Variants in LIMK2 observed in about 807,000 individuals in gnomAD.
LIMK2 encodes LIM domain kinase 2.
A neutral mutation model predicts 75.7 loss-of-function variants in LIMK2; 35 were observed. The observed-to-expected ratio is 0.46, with a 90% CI of 0.35 to 0.61. The LOEUF (loss-of-function observed/expected upper bound fraction) is 0.61, where lower values mean the gene tolerates loss of function less well. Among genes scored for constraint, LIMK2 ranks in the 20% least tolerant of loss-of-function variants. LIMK2 has a pLI of 0.00. For synonymous variants in LIMK2, 301 were observed against 319.2 expected, an observed-to-expected ratio of 0.94 and a Z score of 0.61; for missense variants, 623 against 831.0, an observed-to-expected ratio of 0.75 and a Z score of 3.08.
chr22:31,215,705 A>G (rs2048383914), intron 1 of LIMK2, among the ~76,000 whole-genome samples: 1 of 152,354 alleles, frequency 6.6e-6, no homozygotes, highest in Middle Eastern at 3.4e-3. Flanking sequence ...AGTTAAGGTA[A>G]TTAAGGCAAA....
intron 2 of LIMK2, among the ~76,000 whole-genome samples, chr22:31,238,358 G>A (rs549573139): frequency 5.3e-5 from 8 of 152,126 alleles, no homozygotes; most frequent in Non-Finnish European, 1.2e-4. Flanking sequence ...TGCTCACAGA[G>A]CAACCTTCTG....
intron 2 of LIMK2, among the ~76,000 whole-genome samples, chr22:31,246,175 G>GCACTCACACACACACA (rs1300039438): frequency 9.0e-5 from 7 of 78,054 alleles, no homozygotes; most frequent in Non-Finnish European, 1.7e-4. Context: ...TCCGACACAC[G>GCACTCACACACACACA]CACGCACGCA....
At chr22:31,216,417 A>G (rs2048389119) in intron 1 of LIMK2, among the ~76,000 whole-genome samples, 1 of 152,164 alleles carries the variant, frequency 6.6e-6, no homozygotes, top group African/African-American at 2.4e-5. Flanking sequence ...CAACCGGACT[A>G]GAGGGTTTAA....
intron 2 of LIMK2, chr22:31,248,454 G>T: frequency 6.8e-7 from 1 of 1,481,184 alleles, no homozygotes; most frequent in South Asian, 1.2e-5. Flanking sequence ...TTTTCTCGGA[G>T]TCCAGAGGGG....
At chr22:31,273,623 G>A (rs1189373500) in intron 14 of LIMK2, 116 bp downstream of exon 14, 3 of 802,130 alleles carry the variant, frequency 3.7e-6, no homozygotes, top group Non-Finnish European at 2.2e-6. Context: ...CAACATGGGT[G>A]TAGGGTTTTA....
intron 15 of LIMK2, chr22:31,277,035 C>T: frequency 6.2e-7 from 1 of 1,613,924 alleles, no homozygotes; most frequent in South Asian, 1.1e-5. Context: ...CTTCCAGGGT[C>T]AAGGAGCTGC....
intron 2 of LIMK2, among the ~76,000 whole-genome samples, chr22:31,247,563 GA>G (rs1281594123): frequency 6.6e-6 from 1 of 152,170 alleles, no homozygotes; most frequent in East Asian, 1.9e-4. Context: ...GAGAGCTTTG[GA>G]AAAGATTTTT....
chr22:31,219,048 G>C (rs964226334), intron 1 of LIMK2, among the ~76,000 whole-genome samples: 2 of 152,216 alleles, frequency 1.3e-5, no homozygotes, highest in Non-Finnish European at 1.5e-5. Flanking sequence ...CATTGGCTCT[G>C]AGCTGGGATA....
intron 13 of LIMK2, chr22:31,273,179 C>T (rs762884558): frequency 5.3e-5 from 17 of 317,938 alleles, no homozygotes; most frequent in Non-Finnish European, 7.3e-5. Context: ...TGCCTAATGG[C>T]AGAGGCTAGA....
At position 31,238,205 on chromosome 22, in the gene LIMK2, C is replaced by G. The variant is rs755688638; in HGVS notation, c.116+12386C>G. On this transcript the variant is annotated intron_variant, in intron 2 of 15. Transcript: ENST00000331728. ...AAAAGTTAGTGAAGCAAAACTAGTA[C>G]TGTATTCAGATAAAGATGCTGAATC... Among the ~76,000 whole-genome samples, 95 of 151,754 alleles carry G rather than the reference C, an allele frequency of 6.3e-4. 2 individuals carry two copies. Among genetic ancestry groups the G allele is most frequent in the Admixed American group, 4.4e-3 (67 of 15,212 alleles).
rs73881355 is a variant in LIMK2, at chr22:31,232,271, A to T, written c.116+6452A>T. Among the ~76,000 whole-genome samples the T allele has an allele frequency of 6.4e-3, 957 of 148,566 alleles. 6 individuals carry two copies. Among genetic ancestry groups the T allele is most frequent in the African/African-American group, 0.023 (924 of 40,756 alleles). ...CCCAGGAGAAAAAAAAAAAAAAAAC[A>T]GTAGACTTGGAGACAGAAAATCTGA... On this transcript the variant is annotated intron_variant, in intron 2 of 15. Coordinates refer to ENST00000331728, the MANE Select transcript of LIMK2 (RefSeq NM_005569.4).
intron 2 of LIMK2, among the ~76,000 whole-genome samples, chr22:31,239,719 A>G (rs1000836328): frequency 6.6e-6 from 1 of 152,082 alleles, no homozygotes; most frequent in African/African-American, 2.4e-5. Context: ...AAATTCTCCA[A>G]GTGTGGAGCC....
intron 2 of LIMK2, among the ~76,000 whole-genome samples, chr22:31,245,375 C>T (rs2048658991): frequency 6.6e-6 from 1 of 152,162 alleles, no homozygotes; most frequent in Non-Finnish European, 1.5e-5. Context: ...GAACTCAGCT[C>T]ACCGCAACCT....
At position 31,262,219 on chromosome 22, in the gene LIMK2, C is replaced by T. The variant is rs34930775; in HGVS notation, c.637C>T (p.Arg213Cys). The change falls in exon 6 of 16, where the codon CGC (arginine) becomes TGC (cysteine). Residue 213 changes from arginine to cysteine, a missense_variant. Arg to Cys is a radical substitution (Grantham distance 180, BLOSUM62 -3). Transcript: ENST00000331728. The surrounding 1 kb of genome is among the most constrained non-coding windows in gnomAD (Gnocchi z 5.0). ...CCTGGAGATCAATGGGACCCCCGTC[C>T]GCACACTTCGAGTGGAGGAGGTAGA... is the stretch of plus-strand genomic sequence containing the variant. ...RILEINGTPV[R>C]TLRVEEVEDA... 30,336 of 1,613,294 alleles carry T rather than the reference C, an allele frequency of 0.019. 332 individuals carry two copies. The highest frequency in any genetic ancestry group is 0.023 in the South Asian group (2,123 of 91,054).
chr22:31,213,875 G>T (rs1446855926), intron 1 of LIMK2, among the ~76,000 whole-genome samples: 1 of 149,776 alleles, frequency 6.7e-6, no homozygotes, highest in Non-Finnish European at 1.5e-5. Flanking sequence ...GGGTGCAGTG[G>T]CACAATCTTG....
At chr22:31,221,570 C>T (rs769256283) in intron 1 of LIMK2, among the ~76,000 whole-genome samples, 2 of 152,050 alleles carry the variant, frequency 1.3e-5, no homozygotes, top group African/African-American at 4.8e-5. Flanking sequence ...CTGCAACCTC[C>T]GCCTACCAGG....
chr22:31,231,829 T>G (rs2048531480), intron 2 of LIMK2, among the ~76,000 whole-genome samples: 1 of 152,108 alleles, frequency 6.6e-6, no homozygotes, highest in African/African-American at 2.4e-5. Flanking sequence ...ACCCCCACCT[T>G]TTTTTGAGAC....
At position 31,239,573 on chromosome 22, in the gene LIMK2, G is replaced by C. The variant is rs111591740; in HGVS notation, c.116+13754G>C. On this transcript the variant is annotated intron_variant, in intron 2 of 15. Transcript: ENST00000331728. ...CCCATCTTCTGTGGAGGAGCCCCCC[G>C]CCAAATCCACCCATACCTCTCCCCA... Among the ~76,000 whole-genome samples, 46 of 152,136 alleles carry C rather than the reference G, an allele frequency of 3.0e-4. 2 individuals carry two copies. The highest frequency in any genetic ancestry group is 2.9e-5 in the Non-Finnish European group (2 of 68,018).
At position 31,262,269 on chromosome 22, in the gene LIMK2, G is replaced by T; in HGVS notation, c.657+30G>T. ...AGTGTGTGTCTAATCTGTCTTGTGAGGGTGGGACATGGAACAGATCCTCTG... is the reference window on the plus strand; with the variant it reads ...AGTGTGTGTCTAATCTGTCTTGTGATGGTGGGACATGGAACAGATCCTCTG... On this transcript the variant is annotated intron_variant, in intron 6 of 15. Transcript: ENST00000331728. The surrounding 1 kb of genome is among the most constrained non-coding windows in gnomAD (Gnocchi z 5.0). 6.6e-7 allele frequency: 1 copy of T among 1,515,672 alleles called. No homozygotes were observed. The highest frequency in any genetic ancestry group is 2.3e-5 in the East Asian group (1 of 44,432). The allele number at this position is 1,515,672 out of a possible 1,614,324, so 93.9% of individuals were successfully genotyped here.
Sources: gnomAD v4.1 joint callset for allele counts (sites outside exome capture counted in the v4.1 genomes callset) on GRCh38, gnomAD v4.1.1 for gene constraint, Gnocchi (gnomAD v3.1) non-coding constraint, MANE v1.5 for transcripts, NCBI Gene and HGNC (gene_info 2026-07-23, HGNC 2026-07-21) for gene names.